Variants in COL4A5 observed in about 807,000 individuals in gnomAD.
COL4A5 encodes collagen alpha-5(IV) chain.
In COL4A5, 26 loss-of-function variants were observed where a neutral mutation model predicts 130.2. The ratio of observed to expected loss-of-function variants is 0.20; its 90% CI spans 0.15 to 0.28. The LOEUF is 0.28. Among genes scored for constraint, COL4A5 ranks in the 10% least tolerant of loss-of-function variants. The probability of loss-of-function intolerance (pLI) is 1.00; values close to 1 mark genes in which losing one functional copy is unlikely to be tolerated. For synonymous variants in COL4A5, 496 were observed against 439.6 expected (o/e 1.13, Z -1.60); for missense variants, 1,131 against 1,344.3 (o/e 0.84, Z 2.48).
At chrX:108,502,346 C>A (rs1016900042) in intron 1 of COL4A5, among the ~76,000 whole-genome samples, 3 of 111,203 alleles carry the variant, frequency 2.7e-5, no homozygotes, top group Non-Finnish European at 5.7e-5. Flanking sequence ...AGTGCAATGG[C>A]GCAATCTCGG....
intron 1 of COL4A5, among the ~76,000 whole-genome samples, chrX:108,528,022 T>C (rs1425216696): frequency 8.9e-6 from 1 of 112,139 alleles, no homozygotes; most frequent in Non-Finnish European, 1.9e-5. Context: ...CCTGGTCCAC[T>C]GCTGGCATTA....
chrX:108,648,188 T>C (rs1210028324), intron 36 of COL4A5, among the ~76,000 whole-genome samples: 1 of 110,493 alleles, frequency 9.1e-6, no homozygotes, highest in East Asian at 2.9e-4. Flanking sequence ...CTGAAAACCC[T>C]CCCATCTTAA....
chrX:108,554,019 C>A (rs766249215), intron 2 of COL4A5, among the ~76,000 whole-genome samples: 27 of 111,379 alleles, frequency 2.4e-4, no homozygotes, highest in Non-Finnish European at 4.5e-4. Context: ...CTAGAAAATG[C>A]AAATTAATCT....
At chrX:108,601,271 A>G in intron 25 of COL4A5, 122 bp from the exon 26 acceptor site, 1 of 500,012 alleles carries the variant, frequency 2.0e-6, no homozygotes, top group Admixed American at 3.4e-5. Context: ...TTTTCTTGTG[A>G]ATTTTTGTTA....
chrX:108,475,590 TG>T (rs1463069469), intron 1 of COL4A5, among the ~76,000 whole-genome samples: 9 of 110,828 alleles, frequency 8.1e-5, no homozygotes, highest in African/African-American at 3.0e-4. Context: ...TCTCAATGAG[TG>T]GGGGATCTTC....
chrX:108,560,009 C>T (rs1190344667), intron 3 of COL4A5, among the ~76,000 whole-genome samples: 1 of 111,477 alleles, frequency 9.0e-6, no homozygotes, highest in Non-Finnish European at 1.9e-5. Flanking sequence ...AATTCCATAC[C>T]TTGATTTTTC....
rs1403357437 is a variant in COL4A5 at position 108,586,698 on chromosome X, G to C, written c.1116G>C (p.Glu372Asp). The change falls in exon 19 of 53, where the codon GAG becomes GAC. Residue 372 changes from glutamate (E) to aspartate (D), a missense_variant. Coordinates refer to ENST00000328300, the MANE Select transcript of COL4A5 (RefSeq NM_033380.3). ...CTGGGTTGCCTGGAGAAAAAGGAGA[G>C]CGAGGATTTCCTGGAATACAGGGTC... Reference protein sequence around the residue: ...GLPGLPGEKGERGFPGIQGPP... With the variant: ...GLPGLPGEKGDRGFPGIQGPP... 1 of 1,209,657 alleles carries C rather than the reference G, an allele frequency of 8.3e-7. No homozygotes were observed. The highest frequency in any genetic ancestry group is 2.2e-5 in the Admixed American group (1 of 45,911).
At chrX:108,522,213 A>G (rs2065271355) in intron 1 of COL4A5, among the ~76,000 whole-genome samples, 1 of 109,881 alleles carries the variant, frequency 9.1e-6, no homozygotes, top group African/African-American at 3.3e-5. Flanking sequence ...TCATTTTTTC[A>G]TGGACATTTA....
At chrX:108,645,923 T>G (rs1233994280) in intron 36 of COL4A5, among the ~76,000 whole-genome samples, 1 of 111,311 alleles carries the variant, frequency 9.0e-6, no homozygotes, top group African/African-American at 3.3e-5. Flanking sequence ...TCATTTTTAA[T>G]GGCTGCATAG....
At chrX:108,451,341 G>A (rs1476359595) in intron 1 of COL4A5, among the ~76,000 whole-genome samples, 2 of 110,890 alleles carry the variant, frequency 1.8e-5, no homozygotes, top group African/African-American at 6.6e-5. Context: ...ATGATTTATA[G>A]TCCTTTGGGT....
In COL4A5 at chrX:108,573,567, C is replaced by T. The variant is rs1200401208; in HGVS notation, c.466-7C>T. On this transcript the variant is annotated splice_polypyrimidine_tract_variant and splice_region_variant and intron_variant, in intron 8 of 52. Transcript: ENST00000328300. Reference sequence around the variant, plus strand: ...GTCTTAGAACTTCCATTGATGGCTTCTTTTAGGGTGAACCAGGTAGTATAA... The same window carrying T: ...GTCTTAGAACTTCCATTGATGGCTTTTTTTAGGGTGAACCAGGTAGTATAA... 1 of 1,188,503 alleles carries T rather than the reference C, an allele frequency of 8.4e-7. No homozygotes were observed. The highest frequency in any genetic ancestry group is 1.8e-5 in the South Asian group (1 of 56,448).
At chrX:108,560,106 T>C (rs1375950149) in intron 3 of COL4A5, among the ~76,000 whole-genome samples, 1 of 111,754 alleles carries the variant, frequency 8.9e-6, no homozygotes, top group Non-Finnish European at 1.9e-5. Context: ...CAGGATAATA[T>C]CTGAGGCCAC....
chrX:108,485,426 G>A (rs2064934938), intron 1 of COL4A5, among the ~76,000 whole-genome samples: 1 of 111,711 alleles, frequency 9.0e-6, no homozygotes, highest in Admixed American at 9.5e-5. Context: ...CCTGAAGCTA[G>A]TGTATCTCAG....
intron 9 of COL4A5, among the ~76,000 whole-genome samples, chrX:108,574,280 T>A (rs925700673): frequency 2.7e-5 from 3 of 111,939 alleles, no homozygotes; most frequent in Non-Finnish European, 5.6e-5. Context: ...GGGACTTTTT[T>A]CATTAGCTAC....
At chrX:108,442,783 G>A (rs2070842235) in intron 1 of COL4A5, 1 of 111,477 alleles carries the variant, frequency 9.0e-6, no homozygotes, top group Non-Finnish European at 1.9e-5. Flanking sequence ...AACATAATGA[G>A]TGTTTACTAT....
intron 41 of COL4A5, among the ~76,000 whole-genome samples, chrX:108,668,856 A>T (rs914325374): frequency 8.9e-6 from 1 of 112,169 alleles, no homozygotes; most frequent in African/African-American, 3.2e-5. Context: ...TGCATTTTTA[A>T]ATGTGAGCTT....
Position 108,568,767 on chromosome X carries a change from A to G in COL4A5, c.330A>G (p.Pro110=). The change falls in exon 6 of 53, where the codon CCA becomes CCG. Residue 110 remains proline, a synonymous_variant. Transcript: ENST00000328300. Reference sequence around the variant, plus strand: ...TATGTCGCTTTTCAAAGGGAATGCCAGGCCACGATGGGGCCCCAGGACCTC... The same window carrying G: ...TATGTCGCTTTTCAAAGGGAATGCCGGGCCACGATGGGGCCCCAGGACCTC... ...FPGTPGLPGM[P]GHDGAPGPQG... is the part of the protein sequence containing the mutation. 1 of 1,210,842 alleles carries G rather than the reference A, an allele frequency of 8.3e-7. No individual in the cohort carries two copies. Among genetic ancestry groups the G allele is most frequent in the African/African-American group, 1.7e-5 (1 of 57,802 alleles).
chrX:108,647,041 T>C (rs2067607675), intron 36 of COL4A5, among the ~76,000 whole-genome samples: 1 of 111,425 alleles, frequency 9.0e-6, no homozygotes, highest in Non-Finnish European at 1.9e-5. Context: ...TTCTTTTGGC[T>C]TAGGACTGAC....
Position 108,440,013 on chromosome X carries a change from G to T in COL4A5, c.-113G>T. ...TCTTTCTCTTCACCCAAGCCTCACT[G>T]TCCCTCTCCGGCTCTAGCTCTCTCC... On this transcript the variant is annotated 5_prime_UTR_variant, in exon 1 of 53. Coordinates refer to ENST00000328300, the MANE Select transcript of COL4A5 (RefSeq NM_033380.3). The T allele has an allele frequency of 1.8e-6, 1 of 561,504 alleles. No individual in the cohort carries two copies. The allele number at this position is 561,504 out of a possible 1,213,427, so 46.3% of individuals were successfully genotyped here. A position where few individuals can be genotyped will look rare whatever the true frequency, so the allele number is the denominator to read the frequency against.
Sources: gnomAD v4.1 joint callset for allele counts (sites outside exome capture counted in the v4.1 genomes callset) on GRCh38, gnomAD v4.1.1 for gene constraint, MANE v1.5 for transcripts, NCBI Gene and HGNC (gene_info 2026-07-23, HGNC 2026-07-21) for gene names.